Variants in RPGRIP1 observed in about 807,000 individuals in gnomAD.
The protein encoded by RPGRIP1 is X-linked retinitis pigmentosa GTPase regulator-interacting protein 1.
In RPGRIP1, 128 loss-of-function variants were observed where a neutral mutation model predicts 157.9. The observed-to-expected ratio is 0.81, with a 90% CI of 0.70 to 0.94. The LOEUF (loss-of-function observed/expected upper bound fraction) is 0.94, where lower values mean the gene tolerates loss of function less well. RPGRIP1 is among the 40% of genes least tolerant of loss of function. The probability of loss-of-function intolerance (pLI) is 0.00; values close to 1 mark genes in which losing one functional copy is unlikely to be tolerated. For synonymous variants in RPGRIP1, 554 were observed against 571.6 expected, an observed-to-expected ratio of 0.97 and a Z score of 0.44; for missense variants, 1,486 against 1,545.8, an observed-to-expected ratio of 0.96 and a Z score of 0.65.
At position 21,324,927 on chromosome 14, in the gene RPGRIP1, T is replaced by A; in HGVS notation, c.2072T>A (p.Leu691Ter). The A allele has an allele frequency of 1.2e-6, 2 of 1,614,044 alleles. No homozygotes were observed. The highest frequency in any genetic ancestry group is 1.7e-6 in the Non-Finnish European group (2 of 1,179,900). Reference protein sequence around the residue: ...QYVMETDSLFLHYLQEASARL... With the variant: ...QYVMETDSLF ...GTGATGGAGACAGATTCGCTTTTCT[T>A]ACACTACCTTCAAGAGGCTTCAGCC... Residue 691 changes from leucine to a stop codon, truncating the protein, a stop_gained, in exon 15 of 25, where the codon TTA becomes TAA. Coordinates refer to ENST00000400017, the MANE Select transcript of RPGRIP1 (RefSeq NM_020366.4). LOFTEE classifies it high-confidence loss of function.
At chr14:21,306,764 C>CTAT (rs542003517) in intron 6 of RPGRIP1, among the ~76,000 whole-genome samples, 11 of 144,288 alleles carry the variant, frequency 7.6e-5, no homozygotes, top group South Asian at 2.2e-4. Context: ...GTGTATTTTA[C>CTAT]TATTATTATT....
intron 3 of RPGRIP1, among the ~76,000 whole-genome samples, chr14:21,295,557 C>T (rs548869152): frequency 1.4e-4 from 20 of 147,434 alleles, no homozygotes; most frequent in Non-Finnish European, 2.4e-4. Flanking sequence ...GATCTCAGCT[C>T]ACCGCAACCT....
chr14:21,294,676 G>A lies in RPGRIP1; in HGVS notation c.86-1G>A, dbSNP rs200968268. 1.9e-6 allele frequency: 3 copies of A among 1,612,828 alleles called. No individual in the cohort carries two copies. The highest frequency in any genetic ancestry group is 2.5e-6 in the Non-Finnish European group (3 of 1,179,494). ...CCATTTACTGTTTTCTGGGACTTTA[G>A]GTAAGAATATGAAAACTCAACCACC... On this transcript the variant is annotated splice_acceptor_variant, in intron 2 of 24. Coordinates refer to ENST00000400017, the MANE Select transcript of RPGRIP1 (RefSeq NM_020366.4). LOFTEE classifies it high-confidence loss of function.
In RPGRIP1 at chr14:21,292,362, G is replaced by A. The variant is rs185945724; in HGVS notation, c.86-2315G>A. ...TAAGCACCTCAGAAACACTGTTTTC[G>A]GAGAAAAAAAAATTTTGATGTCACA... On this transcript the variant is annotated intron_variant, in intron 2 of 24. Transcript: ENST00000400017. Among the ~76,000 whole-genome samples, 41 of 150,400 alleles carry A rather than the reference G, an allele frequency of 2.7e-4. 1 individual carries two copies. The South Asian group carries it at 4.4e-3, about 16-fold the overall frequency.
At chr14:21,330,153 A>G (rs1371319251) in intron 19 of RPGRIP1, 96 bp from the exon 20 acceptor site, 5 of 777,376 alleles carry the variant, frequency 6.4e-6, no homozygotes, top group Non-Finnish European at 9.6e-6. Flanking sequence ...AAAAAATAAA[A>G]AGAGCTAATA....
intron 17 of RPGRIP1, among the ~76,000 whole-genome samples, chr14:21,326,656 C>T (rs1883147196): frequency 6.6e-6 from 1 of 152,100 alleles, no homozygotes; most frequent in Non-Finnish European, 1.5e-5. Context: ...AGACGTGAGC[C>T]ACCGCGCCTG....
chr14:21,324,930 A>G lies in RPGRIP1; in HGVS notation c.2075A>G (p.His692Arg), dbSNP rs200401966. 4.3e-5 allele frequency: 69 copies of G among 1,613,946 alleles called. No homozygotes were observed. In the Admixed American group the frequency reaches 9.2e-4, roughly 21 times the overall value. Reference protein sequence around the residue: ...YVMETDSLFLHYLQEASARLD... With the variant: ...YVMETDSLFLRYLQEASARLD... ...ATGGAGACAGATTCGCTTTTCTTACACTACCTTCAAGAGGCTTCAGCCCGG... is the reference window on the plus strand; with the variant it reads ...ATGGAGACAGATTCGCTTTTCTTACGCTACCTTCAAGAGGCTTCAGCCCGG... The change falls in exon 15 of 25, where the codon CAC (histidine) becomes CGC (arginine). Residue 692 changes from histidine (H) to arginine (R), a missense_variant. Physicochemically the swap from His to Arg is conservative, Grantham distance 29. Coordinates refer to ENST00000400017, the MANE Select transcript of RPGRIP1 (RefSeq NM_020366.4).
rs1211649371 is a variant in RPGRIP1 at position 21,304,141 on chromosome 14, C to T, written c.800+598C>T. ...CAGCCTGGCCAACGTGGTGAAACCC[C>T]GTCTGTACTAAAAATACAAAAAAAC... On this transcript the variant is annotated intron_variant, in intron 6 of 24. Transcript: ENST00000400017. 3.3e-5 allele frequency among the ~76,000 whole-genome samples: 5 copies of T among 151,412 alleles called. No homozygotes were observed. In the South Asian group the frequency reaches 6.3e-4, roughly 19 times the overall value.
Position 21,324,672 on chromosome 14 carries a change from C to T in RPGRIP1, c.1817C>T (p.Thr606Ile), listed in dbSNP as rs752636198. The change falls in exon 15 of 25, where the codon ACA becomes ATA. Residue 606 changes from threonine (T) to isoleucine (I), a missense_variant. Coordinates refer to ENST00000400017, the MANE Select transcript of RPGRIP1 (RefSeq NM_020366.4). ...GTRPLSLCLE[T>I]LPAHGDEDKV... is the part of the protein sequence containing the mutation. Reference sequence around the variant, plus strand: ...CGACCGTTGTCGTTATGTTTGGAAACACTGCCAGCCCATGGAGATGAGGAT... The same window carrying T: ...CGACCGTTGTCGTTATGTTTGGAAATACTGCCAGCCCATGGAGATGAGGAT... 1.9e-6 allele frequency: 3 copies of T among 1,614,018 alleles called. No homozygotes were observed. The South Asian group carries it at 3.3e-5, about 18-fold the overall frequency.
chr14:21,315,408 GA>G (rs1881734120), intron 10 of RPGRIP1, among the ~76,000 whole-genome samples: 1 of 151,598 alleles, frequency 6.6e-6, no homozygotes, highest in Admixed American at 6.6e-5. Context: ...TCGGGAGGCT[GA>G]GGCAGGACAA....
At chr14:21,348,663 CTTTTTTTTTT>C (rs10561385) in intron 24 of RPGRIP1, among the ~76,000 whole-genome samples, 1 of 82,364 alleles carries the variant, frequency 1.2e-5, no homozygotes, top group African/African-American at 4.8e-5. Flanking sequence ...TGCATCCAGT[CTTTTTTTTTT>C]TTTTTTTTTT....
rs547876047 is a variant in RPGRIP1, at chr14:21,301,133, A to T, written c.386A>T (p.His129Leu). The change falls in exon 4 of 25, where the codon CAC becomes CTC. Residue 129 changes from histidine to leucine, a missense_variant. Transcript: ENST00000400017. ...PQMHRLQGHF[H>L]CVGPASPRRA... ...ATGCACCGACTGCAAGGGCATTTCC[A>T]CTGCGTCGGCCCTGCCAGCCCCCGC... The T allele has an allele frequency of 2.4e-5, 39 of 1,601,354 alleles. No individual in the cohort carries two copies. The highest frequency in any genetic ancestry group is 3.3e-5 in the Non-Finnish European group (39 of 1,174,204).
chr14:21,311,854 G>C lies in RPGRIP1; in HGVS notation c.961G>C (p.Ala321Pro). 6.2e-7 allele frequency: 1 copy of C among 1,610,124 alleles called. No individual in the cohort carries two copies. The highest frequency in any genetic ancestry group is 8.5e-7 in the Non-Finnish European group (1 of 1,178,492). ...NQGILSAAHEALLKQVNELRA... is the reference protein window; with the variant it reads ...NQGILSAAHEPLLKQVNELRA... Reference sequence around the variant, plus strand: ...GGGAATCCTGAGTGCAGCCCATGAGGCCCTCCTCAAGCAAGTGAATGAGCT... The same window carrying C: ...GGGAATCCTGAGTGCAGCCCATGAGCCCCTCCTCAAGCAAGTGAATGAGCT... Residue 321 changes from alanine (A) to proline (P), a missense_variant, in exon 9 of 25, where the codon GCC (alanine) becomes CCC (proline). Transcript: ENST00000400017.
chr14:21,281,699 A>AAAT (rs1555363826), intron 1 of RPGRIP1, among the ~76,000 whole-genome samples: 27 of 108,418 alleles, frequency 2.5e-4, no homozygotes, highest in South Asian at 6.1e-4. Flanking sequence ...AAAAAAAAAA[A>AAAT]AAATAAATAA....
intron 6 of RPGRIP1, among the ~76,000 whole-genome samples, chr14:21,304,389 GAGAAAGAA>G (rs4058350): frequency 0.24 from 29,014 of 120,392 alleles, 3,324 homozygotes; most frequent in Admixed American, 0.29. Context: ...GAAGGAGAGA[GAGAAAGAA>G]AGAAAGAAAG....
chr14:21,285,338 G>T (rs1483209713), intron 1 of RPGRIP1, among the ~76,000 whole-genome samples: 1 of 151,928 alleles, frequency 6.6e-6, no homozygotes, highest in Non-Finnish European at 1.5e-5. Flanking sequence ...AGGTGCAGTG[G>T]CTCAAGCCTG....
rs568812032 is a variant in RPGRIP1 at position 21,296,807 on chromosome 14, T to C, written c.218+1998T>C. Among the ~76,000 whole-genome samples the C allele has an allele frequency of 4.5e-4, 69 of 151,784 alleles. No individual in the cohort carries two copies. The Middle Eastern group carries it at 0.021, about 45-fold the overall frequency. ...CTGTCTCTACTAAAAATACAAAAAT[T>C]AGCTGGGCGTGGTGGTGGGCGCCTG... On this transcript the variant is annotated intron_variant, in intron 3 of 24. Transcript: ENST00000400017.
intron 1 of RPGRIP1, among the ~76,000 whole-genome samples, chr14:21,285,707 G>A (rs1272890010): frequency 6.6e-6 from 1 of 151,810 alleles, no homozygotes; most frequent in African/African-American, 2.4e-5. Flanking sequence ...GGTACAAGGT[G>A]TGATTGGAGG....
At chr14:21,292,928 C>T (rs879713993) in intron 2 of RPGRIP1, among the ~76,000 whole-genome samples, 1 of 151,324 alleles carries the variant, frequency 6.6e-6, no homozygotes, top group Admixed American at 6.6e-5. Flanking sequence ...GGGTGGATCA[C>T]GAGGTCAAGA....
Sources: allele counts gnomAD v4.1 joint callset (sites outside exome capture counted in the v4.1 genomes callset), GRCh38; gene constraint gnomAD v4.1.1; transcripts MANE v1.5; gene names NCBI Gene and HGNC (gene_info 2026-07-23, HGNC 2026-07-21).